Variants in DAB2IP observed in about 807,000 individuals in gnomAD.
The protein encoded by DAB2IP is DAB2 interacting protein, also known as disabled homolog 2-interacting protein.
A neutral mutation model predicts 107.2 loss-of-function variants in DAB2IP; 28 were observed. The observed-to-expected ratio is 0.26, with a 90% CI of 0.19 to 0.36. The LOEUF is 0.36. DAB2IP is among the 10% of genes least tolerant of loss of function. The pLI is 1.00. For missense variants in DAB2IP, 1,400 were observed against 1,644.7 expected, an observed-to-expected ratio of 0.85 and a Z score of 2.57; for synonymous variants, 755 against 706.4, an observed-to-expected ratio of 1.07 and a Z score of -1.09.
At chr9:121,762,764 A>G (rs1391175748) in intron 6 of DAB2IP, among the ~76,000 whole-genome samples, 1 of 152,090 alleles carries the variant, frequency 6.6e-6, no homozygotes. Context: ...GAGCACAAGG[A>G]GGTGGGGGCT....
intron 3 of DAB2IP, among the ~76,000 whole-genome samples, chr9:121,734,516 G>A (rs897907616): frequency 6.6e-6 from 1 of 152,272 alleles, no homozygotes. Context: ...ACCCACTGGA[G>A]ATGGACATAT....
intron 8 of DAB2IP, among the ~76,000 whole-genome samples, chr9:121,765,837 C>T (rs1834240813): frequency 6.6e-6 from 1 of 152,224 alleles, no homozygotes; most frequent in Non-Finnish European, 1.5e-5. Context: ...CCAGCTCTGC[C>T]GGCTTGCTCC....
At chr9:121,646,519 C>T (rs1832544163) in intron 1 of DAB2IP, among the ~76,000 whole-genome samples, 1 of 143,524 alleles carries the variant, frequency 7.0e-6, no homozygotes, top group African/African-American at 2.6e-5. Context: ...CTGTCCCCCC[C>T]ACCCCCACCC....
At chr9:121,588,531 G>A (rs967605888) in intron 1 of DAB2IP, among the ~76,000 whole-genome samples, 3 of 141,796 alleles carry the variant, frequency 2.1e-5, no homozygotes, top group Middle Eastern at 3.6e-3. Flanking sequence ...GGAAGGGAAG[G>A]GAAGGGGGAA....
intron 3 of DAB2IP, among the ~76,000 whole-genome samples, chr9:121,733,940 C>T (rs1564186764): frequency 6.6e-6 from 1 of 152,176 alleles, no homozygotes; most frequent in Admixed American, 6.5e-5. Context: ...TACTGATGGG[C>T]GAGGCCCAAG....
At chr9:121,691,903 C>T (rs1466544108) in intron 2 of DAB2IP, among the ~76,000 whole-genome samples, 3 of 152,140 alleles carry the variant, frequency 2.0e-5, no homozygotes, top group Non-Finnish European at 4.4e-5. Flanking sequence ...CAGCTCTTGC[C>T]AGGGAACAGA....
intron 3 of DAB2IP, among the ~76,000 whole-genome samples, chr9:121,740,105 C>T (rs1832225707): frequency 6.6e-6 from 1 of 152,228 alleles, no homozygotes; most frequent in South Asian, 2.1e-4. Context: ...CAGCAGTGAG[C>T]AAAGAAGTGC....
chr9:121,643,536 C>G (rs1832434138), intron 1 of DAB2IP, among the ~76,000 whole-genome samples: 1 of 152,064 alleles, frequency 6.6e-6, no homozygotes, highest in Admixed American at 6.5e-5. Context: ...GCCTCACCAT[C>G]CTACCCACTG....
At chr9:121,679,778 G>T (rs748990802) in intron 2 of DAB2IP, among the ~76,000 whole-genome samples, 1 of 152,150 alleles carries the variant, frequency 6.6e-6, no homozygotes, top group Non-Finnish European at 1.5e-5. Context: ...TTCACAGTGG[G>T]TTGGGAGGGG....
chr9:121,736,444 C>T lies in DAB2IP; in HGVS notation c.363-20569C>T, dbSNP rs951160622. Among the ~76,000 whole-genome samples the T allele has an allele frequency of 9.2e-5, 14 of 151,972 alleles. No homozygotes were observed. The highest frequency in any genetic ancestry group is 1.6e-4 in the Non-Finnish European group (11 of 67,986). On this transcript the variant is annotated intron_variant, in intron 3 of 15. Coordinates refer to ENST00000408936, the Ensembl canonical transcript of DAB2IP. This position sits in a 1 kb window ranked among gnomAD's most constrained non-coding sequence, Gnocchi z 4.6. ...GCCCGCCCGGCGTGCCGAAGCGCAG[C>T]GGCGGGTCGCTAGCGGGAAGTGGCT...
intron 1 of DAB2IP, among the ~76,000 whole-genome samples, chr9:121,568,410 T>C (rs1829857031): frequency 6.6e-6 from 1 of 152,080 alleles, no homozygotes; most frequent in Non-Finnish European, 1.5e-5. Flanking sequence ...CCAAGCCCTG[T>C]GTCAGGGTCA....
chr9:121,764,731 TC>T (rs1246677464), intron 8 of DAB2IP, among the ~76,000 whole-genome samples: 1 of 152,156 alleles, frequency 6.6e-6, no homozygotes, highest in Non-Finnish European at 1.5e-5. Context: ...CACCACTCTC[TC>T]CCCGGCCTTA....
chr9:121,590,671 A>G (rs931042529), intron 1 of DAB2IP, among the ~76,000 whole-genome samples: 1 of 152,194 alleles, frequency 6.6e-6, no homozygotes, highest in African/African-American at 2.4e-5. Flanking sequence ...GCAGAAATGT[A>G]GACATTTCTG....
intron 2 of DAB2IP, among the ~76,000 whole-genome samples, chr9:121,694,647 C>T (rs768764653): frequency 6.6e-6 from 1 of 152,032 alleles, no homozygotes; most frequent in Non-Finnish European, 1.5e-5. Context: ...TCCTTCCAGC[C>T]AAAGACCCCC....
At chr9:121,572,347 G>A (rs1829964145) in intron 1 of DAB2IP, among the ~76,000 whole-genome samples, 1 of 152,084 alleles carries the variant, frequency 6.6e-6, no homozygotes, top group African/African-American at 2.4e-5. Context: ...GGTTCCCAGG[G>A]TGCTGCACAG....
At position 121,668,772 on chromosome 9, in the gene DAB2IP, A is replaced by G. The variant is rs1359916320; in HGVS notation, c.125-9906A>G. 4.6e-5 allele frequency among the ~76,000 whole-genome samples: 7 copies of G among 152,314 alleles called. 1 individual carries two copies. In the South Asian group the frequency reaches 1.4e-3, roughly 32 times the overall value. On this transcript the variant is annotated intron_variant, in intron 1 of 15. Coordinates refer to ENST00000408936, the Ensembl canonical transcript of DAB2IP. ...TCCCCTTCTCCAAAGAGAACGTCTG[A>G]TAACAAGTTTTTGGCTACTGTGTAA...
chr9:121,580,428 T>C (rs1436816459), intron 1 of DAB2IP, among the ~76,000 whole-genome samples: 1 of 152,152 alleles, frequency 6.6e-6, no homozygotes, highest in African/African-American at 2.4e-5. Context: ...CCTGCTATTC[T>C]AGCACTTTTG....
chr9:121,726,819 C>T (rs1483417759), intron 3 of DAB2IP, among the ~76,000 whole-genome samples: 6 of 152,122 alleles, frequency 3.9e-5, no homozygotes, highest in African/African-American at 7.2e-5. Context: ...AAGAAGCTGG[C>T]GACTGAGGGC....
intron 3 of DAB2IP, among the ~76,000 whole-genome samples, chr9:121,744,754 A>G (rs1180888436): frequency 6.6e-6 from 1 of 152,180 alleles, no homozygotes; most frequent in Non-Finnish European, 1.5e-5. Context: ...ACCTCAGGCA[A>G]GCTGTTTGAC....
Sources: gnomAD v4.1 joint callset for allele counts (sites outside exome capture counted in the v4.1 genomes callset) on GRCh38, gnomAD v4.1.1 for gene constraint, Gnocchi (gnomAD v3.1) non-coding constraint, MANE v1.5 for transcripts, NCBI Gene and HGNC (gene_info 2026-07-23, HGNC 2026-07-21) for gene names.